Variants in IFNGR2 observed in about 807,000 individuals in gnomAD.
The protein encoded by IFNGR2 is interferon gamma receptor 2.
IFNGR2 carries 15 observed loss-of-function variants against 41.1 expected under a neutral mutation model. That is an observed-to-expected ratio of 0.37 (90% CI 0.24 to 0.56). The LOEUF (loss-of-function observed/expected upper bound fraction) is 0.56. Among genes scored for constraint, IFNGR2 ranks in the 20% least tolerant of loss-of-function variants. The probability of loss-of-function intolerance (pLI) is 0.81; values close to 1 mark genes in which losing one functional copy is unlikely to be tolerated. For synonymous variants in IFNGR2, 161 were observed against 171.6 expected, an observed-to-expected ratio of 0.94 and a Z score of 0.48; for missense variants, 362 against 415.7, an observed-to-expected ratio of 0.87 and a Z score of 1.12.
At chr21:33,411,632 T>G (rs1200145220) in intron 1 of IFNGR2, 1 of 408,652 alleles carries the variant, frequency 2.4e-6, no homozygotes, top group Non-Finnish European at 5.1e-6. Context: ...CCAAGTGGCC[T>G]TATACCACCA....
In IFNGR2 at chr21:33,436,754, A is replaced by T. The variant is rs1473469415; in HGVS notation, c.880-74A>T. 6 of 1,237,962 alleles carry T rather than the reference A, an allele frequency of 4.8e-6. No homozygotes were observed. In the East Asian group the frequency reaches 9.6e-5, roughly 20 times the overall value. 76.7% of individuals were successfully genotyped at this position (1,237,962 alleles called of 1,614,324 possible). A position where few individuals can be genotyped will look rare whatever the true frequency, so the allele number is the denominator to read the frequency against. On this transcript the variant is annotated intron_variant, in intron 6 of 6. Coordinates refer to ENST00000290219, the MANE Select transcript of IFNGR2 (RefSeq NM_005534.4). ...ATAAAAATAAAAATAAAATAAAAACAAAAACTAAAGTTAAAAGGTCTGGTA... is the reference window on the plus strand; with the variant it reads ...ATAAAAATAAAAATAAAATAAAAACTAAAACTAAAGTTAAAAGGTCTGGTA...
chr21:33,418,564 T>TAA (rs1224233740), intron 2 of IFNGR2, among the ~76,000 whole-genome samples: 1 of 152,210 alleles, frequency 6.6e-6, no homozygotes, highest in African/African-American at 2.4e-5. Context: ...TTGTGAGACT[T>TAA]AAATTTCCAC....
chr21:33,418,079 G>A (rs2083766038), intron 2 of IFNGR2, among the ~76,000 whole-genome samples: 1 of 152,064 alleles, frequency 6.6e-6, no homozygotes, highest in Admixed American at 6.6e-5. Context: ...CTGGAGTGCA[G>A]TGGCGTGATC....
At chr21:33,414,350 G>GTGTGTT (rs2083738536) in intron 1 of IFNGR2, among the ~76,000 whole-genome samples, 1 of 152,108 alleles carries the variant, frequency 6.6e-6, no homozygotes, top group African/African-American at 2.4e-5. Context: ...TAGGATGTTT[G>GTGTGTT]TGTGTTTTTG....
At chr21:33,432,986 A>G (rs2083905439) in intron 6 of IFNGR2, 115 bp downstream of exon 6, 2 of 872,664 alleles carry the variant, frequency 2.3e-6, no homozygotes, top group Non-Finnish European at 3.7e-6. Context: ...CCCAGGTTCA[A>G]GCGATTCTCC....
intron 2 of IFNGR2, among the ~76,000 whole-genome samples, chr21:33,417,554 C>T (rs2083762465): frequency 6.6e-6 from 1 of 152,190 alleles, no homozygotes; most frequent in Admixed American, 6.5e-5. Context: ...TCCACCAGAG[C>T]AGGCTACACA....
At chr21:33,416,245 A>G (rs898010052) in intron 2 of IFNGR2, among the ~76,000 whole-genome samples, 3 of 152,212 alleles carry the variant, frequency 2.0e-5, no homozygotes, top group South Asian at 2.1e-4. Context: ...GAAGAGATAC[A>G]TGGAAGTGTA....
intron 1 of IFNGR2, among the ~76,000 whole-genome samples, chr21:33,413,295 CATG>C (rs1223595099): frequency 2.6e-5 from 4 of 152,178 alleles, no homozygotes; most frequent in Non-Finnish European, 5.9e-5. Flanking sequence ...CCCAGGATGT[CATG>C]AGGCCTGCTG....
At chr21:33,435,124 T>C (rs972864720) in intron 6 of IFNGR2, among the ~76,000 whole-genome samples, 6 of 152,206 alleles carry the variant, frequency 3.9e-5, no homozygotes, top group Non-Finnish European at 2.9e-5. Flanking sequence ...AGCTAGACAC[T>C]AGATTCTTGG....
intron 1 of IFNGR2, among the ~76,000 whole-genome samples, chr21:33,407,130 G>A (rs1227713121): frequency 6.6e-6 from 1 of 152,138 alleles, no homozygotes; most frequent in East Asian, 1.9e-4. Context: ...TGACCAGTTA[G>A]TTACCTGAGT....
chr21:33,412,406 C>T (rs1361308175), intron 1 of IFNGR2, among the ~76,000 whole-genome samples: 1 of 152,136 alleles, frequency 6.6e-6, no homozygotes, highest in Non-Finnish European at 1.5e-5. Flanking sequence ...TGGTATTGCA[C>T]TAAGTCTATG....
chr21:33,430,979 G>A (rs1380491979), intron 4 of IFNGR2, among the ~76,000 whole-genome samples: 1 of 152,134 alleles, frequency 6.6e-6, no homozygotes, highest in Non-Finnish European at 1.5e-5. Flanking sequence ...TTTGGTATGG[G>A]ACAATGACAG....
intron 6 of IFNGR2, among the ~76,000 whole-genome samples, chr21:33,436,423 C>A (rs1420267275): frequency 6.6e-6 from 1 of 151,056 alleles, no homozygotes; most frequent in Non-Finnish European, 1.5e-5. Flanking sequence ...AATAACTATA[C>A]CAATTAAAAC....
chr21:33,437,028 C>T lies in IFNGR2; in HGVS notation c.*66C>T. On this transcript the variant is annotated 3_prime_UTR_variant, in exon 7 of 7. Coordinates refer to ENST00000290219, the MANE Select transcript of IFNGR2 (RefSeq NM_005534.4). ...TCAAGCCATCGGAGCTGCTAGAGTT[C>T]TGTCTGGACTTTCCAGAGACCAGTA... 2 of 1,556,952 alleles carry T rather than the reference C, an allele frequency of 1.3e-6. No individual in the cohort carries two copies. Among genetic ancestry groups the T allele is most frequent in the Non-Finnish European group, 1.8e-6 (2 of 1,130,348 alleles).
chr21:33,403,526 C>T lies in IFNGR2; in HGVS notation c.-18C>T. 1.6e-6 allele frequency: 2 copies of T among 1,258,678 alleles called. No homozygotes were observed. Among genetic ancestry groups the T allele is most frequent in the South Asian group, 4.4e-5 (2 of 45,068 alleles). The allele number at this position is 1,258,678 out of a possible 1,614,324, so 78.0% of individuals were successfully genotyped here. On this transcript the variant is annotated 5_prime_UTR_variant, in exon 1 of 7. Transcript: ENST00000290219. ...GGGCCCCGGCCGCGACCTGAGCCGC[C>T]GCCGAGCGCCCGGGGCCATGCGACC...
intron 6 of IFNGR2, 92 bp downstream of exon 6, chr21:33,432,963 G>A: frequency 9.4e-7 from 1 of 1,066,138 alleles, no homozygotes; most frequent in Non-Finnish European, 1.4e-6. Context: ...TCTGCTCACT[G>A]CAGCCTCCAT....
At chr21:33,434,723 G>A (rs1255684382) in intron 6 of IFNGR2, among the ~76,000 whole-genome samples, 1 of 152,118 alleles carries the variant, frequency 6.6e-6, no homozygotes, top group Non-Finnish European at 1.5e-5. Context: ...CTGCCATGAT[G>A]TATTGTAGGT....
At chr21:33,423,444 G>A (rs1221328181) in intron 3 of IFNGR2, among the ~76,000 whole-genome samples, 3 of 151,896 alleles carry the variant, frequency 2.0e-5, no homozygotes, top group Admixed American at 6.6e-5. Flanking sequence ...CCAGGCTGGC[G>A]TGCAGTGGTG....
At chr21:33,410,951 CCTT>C (rs1307498446) in intron 1 of IFNGR2, 1 of 1,145,736 alleles carries the variant, frequency 8.7e-7, no homozygotes, top group Non-Finnish European at 1.3e-6. Context: ...AACCACTGCT[CCTT>C]CTCCCCAGCC....
Sources: allele counts gnomAD v4.1 joint callset (sites outside exome capture counted in the v4.1 genomes callset), GRCh38; gene constraint gnomAD v4.1.1; transcripts MANE v1.5; gene names NCBI Gene and HGNC (gene_info 2026-07-23, HGNC 2026-07-21).